Variants in EDIL3 observed in about 807,000 individuals in gnomAD.
The protein encoded by EDIL3 is EGF-like repeat and discoidin I-like domain-containing protein 3.
Under a neutral mutation model 67.4 loss-of-function variants are expected in EDIL3, and 37 were observed. The observed-to-expected ratio is 0.55, with a 90% CI of 0.42 to 0.72. The LOEUF is 0.72. Among genes scored for constraint, EDIL3 ranks in the 30% least tolerant of loss-of-function variants. EDIL3 has a pLI of 0.00. For synonymous variants in EDIL3, 195 were observed against 196.3 expected, an observed-to-expected ratio of 0.99 and a Z score of 0.05; for missense variants, 527 against 586.3, an observed-to-expected ratio of 0.90 and a Z score of 1.04.
intron 1 of EDIL3, among the ~76,000 whole-genome samples, chr5:84,356,595 G>A (rs1747486723): frequency 6.6e-6 from 1 of 152,086 alleles, no homozygotes; most frequent in Non-Finnish European, 1.5e-5. Flanking sequence ...ATTGAGCCCA[G>A]CAGATAATCC....
At chr5:84,368,114 A>T (rs965990501) in intron 1 of EDIL3, among the ~76,000 whole-genome samples, 2 of 152,174 alleles carry the variant, frequency 1.3e-5, no homozygotes, top group African/African-American at 2.4e-5. Context: ...AAACTTTCAG[A>T]GGATGCTTTT....
At chr5:84,161,798 C>T (rs1748617678) in intron 4 of EDIL3, among the ~76,000 whole-genome samples, 1 of 152,094 alleles carries the variant, frequency 6.6e-6, no homozygotes, top group Admixed American at 6.6e-5. Flanking sequence ...ACAATGGAAA[C>T]TCTCTTATGG....
chr5:84,209,143 C>T (rs560919090), intron 3 of EDIL3, among the ~76,000 whole-genome samples: 26 of 151,454 alleles, frequency 1.7e-4, no homozygotes, highest in Admixed American at 5.3e-4. Flanking sequence ...CCAAACACCG[C>T]ATGTTCTCAC....
chr5:84,104,527 T>C (rs1208449757), intron 6 of EDIL3, among the ~76,000 whole-genome samples: 1 of 152,048 alleles, frequency 6.6e-6, no homozygotes, highest in African/African-American at 2.4e-5. Context: ...TTTTAGTTTT[T>C]CACCCATTAT....
chr5:84,139,678 G>T (rs76856328), intron 4 of EDIL3, among the ~76,000 whole-genome samples: 6 of 152,092 alleles, frequency 3.9e-5, no homozygotes, highest in Non-Finnish European at 7.4e-5. Flanking sequence ...AAACACTGCC[G>T]TATTTTGTAA....
chr5:84,061,899 A>C (rs1746550314), intron 8 of EDIL3, among the ~76,000 whole-genome samples: 1 of 152,214 alleles, frequency 6.6e-6, no homozygotes, highest in African/African-American at 2.4e-5. Flanking sequence ...TCTAAACTAT[A>C]AAAGAGGTGC....
intron 3 of EDIL3, among the ~76,000 whole-genome samples, chr5:84,226,849 G>A (rs1385853242): frequency 6.6e-6 from 1 of 151,864 alleles, no homozygotes; most frequent in African/African-American, 2.4e-5. Flanking sequence ...TCACTCTGGA[G>A]GAAGATGAGT....
intron 9 of EDIL3, among the ~76,000 whole-genome samples, chr5:84,028,926 C>T (rs1403764447): frequency 6.6e-6 from 1 of 151,974 alleles, no homozygotes; most frequent in Non-Finnish European, 1.5e-5. Flanking sequence ...GCAAGTCTTT[C>T]CCATGTTGTT....
At chr5:84,095,626 G>A (rs1747247953) in intron 6 of EDIL3, among the ~76,000 whole-genome samples, 1 of 152,210 alleles carries the variant, frequency 6.6e-6, no homozygotes, top group African/African-American at 2.4e-5. Flanking sequence ...AAGCAGCAAA[G>A]CATTCAAGAG....
At position 84,242,803 on chromosome 5, in the gene EDIL3, A is replaced by AAG. The variant is rs1420900640; in HGVS notation, c.196+11280_196+11281insCT. 3.9e-5 allele frequency among the ~76,000 whole-genome samples: 5 copies of AAG among 128,054 alleles called. No individual in the cohort carries two copies. In the East Asian group the frequency reaches 1.2e-3, roughly 32 times the overall value. The allele number at this position is 128,054 out of a possible 152,430, so 84.0% of individuals were successfully genotyped here. A position where few individuals can be genotyped will look rare whatever the true frequency, so the allele number is the denominator to read the frequency against. On this transcript the variant is annotated intron_variant, in intron 2 of 10. Coordinates refer to ENST00000296591, the MANE Select transcript of EDIL3 (RefSeq NM_005711.5). ...ACAGAGACCCTATCTTAAAAAAAAA[A>AAG]AAAAAAAAACTTCCAAAGAAATATT... is the stretch of plus-strand genomic sequence containing the variant.
chr5:84,209,723 T>C (rs1744076302), intron 3 of EDIL3, among the ~76,000 whole-genome samples: 1 of 152,098 alleles, frequency 6.6e-6, no homozygotes, highest in Non-Finnish European at 1.5e-5. Flanking sequence ...GGTAGAAAAG[T>C]TGGCAGTGCG....
intron 5 of EDIL3, among the ~76,000 whole-genome samples, chr5:84,117,020 A>ATTTTTTTTTTTTTTTTTTTTTTTTTT (rs34997139): frequency 1.2e-5 from 1 of 83,236 alleles, no homozygotes; most frequent in Non-Finnish European, 2.2e-5. Flanking sequence ...TTAAGTACTT[A>ATTTTTTTTTTTTTTTTTTTTTTTTTT]TTTTTTTTTT....
chr5:84,120,530 G>A (rs1433992068), intron 5 of EDIL3, among the ~76,000 whole-genome samples: 2 of 151,952 alleles, frequency 1.3e-5, no homozygotes, highest in Non-Finnish European at 2.9e-5. Flanking sequence ...CACAGATGCC[G>A]TGGCATGAAA....
At chr5:84,374,464 A>G (rs1747922951) in intron 1 of EDIL3, among the ~76,000 whole-genome samples, 1 of 152,216 alleles carries the variant, frequency 6.6e-6, no homozygotes, top group Non-Finnish European at 1.5e-5. Flanking sequence ...AAAGTGGAAA[A>G]TGCTTACGAA....
chr5:84,338,626 C>A (rs1747036066), intron 1 of EDIL3, among the ~76,000 whole-genome samples: 1 of 152,096 alleles, frequency 6.6e-6, no homozygotes, highest in Non-Finnish European at 1.5e-5. Flanking sequence ...GTTAAATAAG[C>A]CTTGTAACAA....
At chr5:84,287,273 A>G (rs1486688447) in intron 1 of EDIL3, among the ~76,000 whole-genome samples, 1 of 152,166 alleles carries the variant, frequency 6.6e-6, no homozygotes, top group Non-Finnish European at 1.5e-5. Context: ...ATGAGAGCTT[A>G]TTTTTGGATG....
chr5:84,321,403 G>T (rs1746646512), intron 1 of EDIL3, among the ~76,000 whole-genome samples: 1 of 152,092 alleles, frequency 6.6e-6, no homozygotes, highest in Admixed American at 6.6e-5. Flanking sequence ...CAGCATTCTG[G>T]GGAGATAGTG....
At chr5:84,093,537 A>T (rs1243363244) in intron 6 of EDIL3, among the ~76,000 whole-genome samples, 1 of 152,126 alleles carries the variant, frequency 6.6e-6, no homozygotes, top group Non-Finnish European at 1.5e-5. Context: ...CATGCAGTGC[A>T]TGTATTGAAG....
intron 3 of EDIL3, among the ~76,000 whole-genome samples, chr5:84,203,005 G>A (rs983714590): frequency 9.2e-5 from 14 of 152,046 alleles, no homozygotes; most frequent in African/African-American, 3.4e-4. Flanking sequence ...TATATTCAGG[G>A]GGCAGGCAAA....
Sources: gnomAD v4.1 joint callset for allele counts (sites outside exome capture counted in the v4.1 genomes callset) on GRCh38, gnomAD v4.1.1 for gene constraint, MANE v1.5 for transcripts, NCBI Gene and HGNC (gene_info 2026-07-23, HGNC 2026-07-21) for gene names.